The following DEPDC5 variants were observed in gnomAD, a reference collection of about 807,000 sequenced individuals.
DEPDC5 encodes the protein GATOR1 complex protein DEPDC5.
DEPDC5 carries 73 observed loss-of-function variants against 217.3 expected under a neutral mutation model. That is an observed-to-expected ratio of 0.34 (90% CI 0.28 to 0.41). DEPDC5 has a LOEUF of 0.41. DEPDC5 is among the 10% of genes least tolerant of loss of function. The pLI, the probability that DEPDC5 is intolerant of heterozygous loss-of-function variation, is 1.00. For synonymous variants in DEPDC5, 733 were observed against 756.7 expected (o/e 0.97, Z 0.51); for missense variants, 1,675 against 2,070.1 (o/e 0.81, Z 3.70).
intron 33 of DEPDC5, among the ~76,000 whole-genome samples, chr22:31,868,505 G>A: frequency 6.6e-6 from 1 of 152,172 alleles, no homozygotes; most frequent in African/African-American, 2.4e-5. Context: ...CCAGCTCACA[G>A]CAACCTCCGC....
chr22:31,755,060 C>T, intron 2 of DEPDC5, 81 bp downstream of exon 2: 2 of 1,521,676 alleles, frequency 1.3e-6, no homozygotes, highest in Non-Finnish European at 1.8e-6. Context: ...TACACACTGA[C>T]TCGTGTGACA....
rs749497400 is a variant in DEPDC5 at position 31,852,628 on chromosome 22, C to T, written c.3156-4817C>T. On this transcript the variant is annotated intron_variant, in intron 31 of 42. Transcript: ENST00000651528. ...TATTGGGATTATAGGCGTGAGCCAC[C>T]GAGCCTGGCTTCTTTTATTTTTTTA... Among the ~76,000 whole-genome samples the T allele has an allele frequency of 2.0e-5, 3 of 152,266 alleles. 1 individual carries two copies. The South Asian group carries it at 6.2e-4, about 32-fold the overall frequency.
intron 34 of DEPDC5, 147 bp from the exon 35 acceptor site, chr22:31,873,108 T>A: frequency 1.4e-6 from 2 of 1,479,684 alleles, no homozygotes; most frequent in South Asian, 1.2e-5. Flanking sequence ...CCCCCTGATA[T>A]AGCTGTTTGG....
chr22:31,888,064 A>C (rs1461107395), intron 38 of DEPDC5, among the ~76,000 whole-genome samples: 2 of 152,038 alleles, frequency 1.3e-5, no homozygotes, highest in African/African-American at 4.8e-5. Context: ...GAAATGCCTG[A>C]CATTGACACA....
intron 31 of DEPDC5, among the ~76,000 whole-genome samples, chr22:31,849,097 T>C (rs1253003981): frequency 1.3e-5 from 2 of 152,186 alleles, no homozygotes; most frequent in African/African-American, 4.8e-5. Flanking sequence ...CTTTCCCACA[T>C]CTTCCTGTCT....
intron 27 of DEPDC5, among the ~76,000 whole-genome samples, chr22:31,842,323 C>A (rs2091442012): frequency 6.6e-6 from 1 of 152,140 alleles, no homozygotes; most frequent in Non-Finnish European, 1.5e-5. Flanking sequence ...CGCCTGTAAT[C>A]CCAGCACTTC....
rs2089075709 is a variant in DEPDC5 at position 31,816,098 on chromosome 22, G to T, written c.1666+886G>T. On this transcript the variant is annotated intron_variant, in intron 21 of 42. Transcript: ENST00000651528. ...GTGGATCACTTGAGGCCAGAAGTTTGAGACCAGCCTGGTCAACATGGTGAA... is the reference window on the plus strand; with the variant it reads ...GTGGATCACTTGAGGCCAGAAGTTTTAGACCAGCCTGGTCAACATGGTGAA... 7 of 813,608 alleles carry T rather than the reference G, an allele frequency of 8.6e-6. No individual in the cohort carries two copies. The South Asian group carries it at 3.9e-4, about 46-fold the overall frequency. 50.4% of individuals were successfully genotyped at this position (813,608 alleles called of 1,614,324 possible).
rs1402981872 is a variant in DEPDC5, at chr22:31,889,567, CCAGA to C, written c.4034-4010_4034-4007del. 1.1e-4 allele frequency among the ~76,000 whole-genome samples: 9 copies of C among 83,952 alleles called. No homozygotes were observed. The East Asian group carries it at 2.0e-3, about 19-fold the overall frequency. The allele number at this position is 83,952 out of a possible 152,430, so 55.1% of individuals were successfully genotyped here. ...TTTTTTTTTTTTTTTTTTTTTTTTT[CCAGA>C]CAGAGTCTCGCTCTGTTGCCTATGC... On this transcript the variant is annotated intron_variant, in intron 38 of 42. Transcript: ENST00000651528.
At chr22:31,901,011 C>T (rs5994447) in intron 40 of DEPDC5, among the ~76,000 whole-genome samples, 23,322 of 151,942 alleles carry the variant, frequency 0.15, 2,768 homozygotes, top group African/African-American at 0.33. Flanking sequence ...GGGAGGCCGA[C>T]GCAGGCGGAT....
chr22:31,799,848 G>A (rs1358052044), intron 14 of DEPDC5, among the ~76,000 whole-genome samples: 3 of 118,934 alleles, frequency 2.5e-5, no homozygotes, highest in Admixed American at 2.3e-4. Context: ...TTACTCTGTC[G>A]CTAGGCTAGA....
At chr22:31,878,273 GTGTGTGGGATTTTTT>G (rs2093062085) in intron 37 of DEPDC5, among the ~76,000 whole-genome samples, 3 of 152,060 alleles carry the variant, frequency 2.0e-5, no homozygotes, top group Admixed American at 1.3e-4. Context: ...AGAAGTGGAC[GTGTGTGGGATTTTTT>G]TGTATATCCA....
chr22:31,780,839 C>A (rs61676179), intron 8 of DEPDC5, among the ~76,000 whole-genome samples: 9,378 of 152,294 alleles, frequency 0.062, 318 homozygotes, highest in South Asian at 0.085. Context: ...TTATATGCCA[C>A]TGTTCTCTGG....
chr22:31,802,124 A>ATTTTT, intron 14 of DEPDC5, among the ~76,000 whole-genome samples: 1 of 126,882 alleles, frequency 7.9e-6, no homozygotes, highest in South Asian at 2.5e-4. Flanking sequence ...AACAGCATGA[A>ATTTTT]TTTTTTTTTT....
intron 7 of DEPDC5, among the ~76,000 whole-genome samples, chr22:31,773,769 T>C (rs1325073057): frequency 6.6e-6 from 1 of 152,188 alleles, no homozygotes; most frequent in South Asian, 2.1e-4. Context: ...CTGGTAATAG[T>C]TACATAGTTA....
At chr22:31,844,990 C>G in intron 29 of DEPDC5, 28 bp from the exon 30 acceptor site, 2 of 1,611,886 alleles carry the variant, frequency 1.2e-6, no homozygotes, top group South Asian at 1.1e-5. Flanking sequence ...TCTCTCACCA[C>G]CACCCTGTGT....
intron 3 of DEPDC5, among the ~76,000 whole-genome samples, chr22:31,758,907 G>T (rs1397136692): frequency 2.1e-5 from 3 of 143,432 alleles, no homozygotes; most frequent in African/African-American, 7.6e-5. Context: ...CCATTCCTTC[G>T]TTTTTTTTTT....
chr22:31,813,009 G>A (rs2088616717), intron 20 of DEPDC5, among the ~76,000 whole-genome samples: 1 of 152,154 alleles, frequency 6.6e-6, no homozygotes, highest in Non-Finnish European at 1.5e-5. Context: ...AAAAGTGCTA[G>A]GATTATAGGT....
At chr22:31,810,735 CTTGTT>C (rs966696064) in intron 20 of DEPDC5, 94 bp downstream of exon 20, 316 of 1,542,740 alleles carry the variant, frequency 2.0e-4, no homozygotes, top group Middle Eastern at 3.5e-4. Context: ...CCTTGAAAAT[CTTGTT>C]TTGTTTTGTT....
rs5998156 is a variant in DEPDC5 at position 31,880,872 on chromosome 22, A to G, written c.4033+1120A>G. On this transcript the variant is annotated intron_variant, in intron 38 of 42. Transcript: ENST00000651528. ...ACCCCATCTCTACTAAAAATACAAA[A>G]AATTAGCCAGGCGTGACAGTGTGCA... is the stretch of plus-strand genomic sequence containing the variant. 2.4e-3 allele frequency among the ~76,000 whole-genome samples: 372 copies of G among 152,086 alleles called. 4 individuals carry two copies. The highest frequency in any genetic ancestry group is 8.3e-3 in the African/African-American group (343 of 41,486).
Sources: gnomAD v4.1 joint callset for allele counts (sites outside exome capture counted in the v4.1 genomes callset) on GRCh38, gnomAD v4.1.1 for gene constraint, MANE v1.5 for transcripts, NCBI Gene and HGNC (gene_info 2026-07-23, HGNC 2026-07-21) for gene names.